PSMA2: variants seen among roughly 807,000 people sequenced by gnomAD.
PSMA2 encodes proteasome subunit alpha type-2.
PSMA2 carries 2 observed loss-of-function variants against 35.9 expected under a neutral mutation model. The observed-to-expected ratio is 0.06, with a 90% confidence interval of 0.02 to 0.18. The LOEUF is 0.18. PSMA2 is among the 10% of genes least tolerant of loss of function. The pLI is 1.00. For synonymous variants in PSMA2, 97 were observed against 98.2 expected (o/e 0.99, Z 0.07); for missense variants, 126 against 278.8 (o/e 0.45, Z 3.90).
In PSMA2 at chr7:42,923,177, C is replaced by A. The variant is rs528121784; in HGVS notation, c.456+148G>T. ...AAATTACCAAAATTTTAAATATACACACAAAAATGCACAACCTCATACTTT... is the reference window on the plus strand; with the variant it reads ...AAATTACCAAAATTTTAAATATACAAACAAAAATGCACAACCTCATACTTT... On this transcript the variant is annotated intron_variant, in intron 5 of 7. Coordinates refer to ENST00000223321, the MANE Select transcript of PSMA2 (RefSeq NM_002787.5). 26 of 620,940 alleles carry A rather than the reference C, an allele frequency of 4.2e-5. No individual in the cohort carries two copies. In the East Asian group the frequency reaches 7.6e-4, roughly 18 times the overall value. The allele number at this position is 620,940 out of a possible 1,614,324, so 38.5% of individuals were successfully genotyped here. A position where few individuals can be genotyped will look rare whatever the true frequency, so the allele number is the denominator to read the frequency against.
chr7:42,918,634 A>C, intron 6 of PSMA2: 1 of 151,856 alleles, frequency 6.6e-6, no homozygotes, highest in East Asian at 1.9e-4. Context: ...TTCTCTGCTC[A>C]GCCCGTGTTA....
At chr7:42,921,994 G>A in intron 5 of PSMA2, 63 bp from the exon 6 acceptor site, 1 of 1,262,062 alleles carries the variant, frequency 7.9e-7, no homozygotes, top group Non-Finnish European at 1.1e-6. Context: ...ATATTGCCCT[G>A]CCATTTAATT....
intron 6 of PSMA2, chr7:42,919,394 CA>C: frequency 1.8e-6 from 1 of 564,492 alleles, no homozygotes; most frequent in East Asian, 4.6e-5. Context: ...ATTTGTTAAC[CA>C]GGGGACAGAA....
Position 42,926,479 on chromosome 7 carries a change from T to C in PSMA2, c.251+57A>G, listed in dbSNP as rs1786218853. On this transcript the variant is annotated intron_variant, in intron 3 of 7. Coordinates refer to ENST00000223321, the MANE Select transcript of PSMA2 (RefSeq NM_002787.5). The stretch of plus-strand genomic sequence containing the variant: ...ACAACCTTGGTTTTTCTCCTGAAAA[T>C]ACAGATTACAATCAATTCATGAGAT... 4.1e-6 allele frequency: 6 copies of C among 1,464,944 alleles called. No homozygotes were observed. The South Asian group carries it at 8.8e-5, about 22-fold the overall frequency. The allele number at this position is 1,464,944 out of a possible 1,614,324, so 90.7% of individuals were successfully genotyped here. A position where few individuals can be genotyped will look rare whatever the true frequency, so the allele number is the denominator to read the frequency against.
At chr7:42,931,661 T>G (rs914188920) in intron 1 of PSMA2, among the ~76,000 whole-genome samples, 3 of 152,056 alleles carry the variant, frequency 2.0e-5, no homozygotes, top group African/African-American at 7.3e-5. Flanking sequence ...AGACCAAGAC[T>G]CCGACTTAAC....
At position 42,921,939 on chromosome 7, in the gene PSMA2, G is replaced by A; in HGVS notation, c.457-8C>T. 6.2e-7 allele frequency: 1 copy of A among 1,602,994 alleles called. No homozygotes were observed. Among genetic ancestry groups the A allele is most frequent in the Non-Finnish European group, 8.5e-7 (1 of 1,172,838 alleles). On this transcript the variant is annotated splice_polypyrimidine_tract_variant and splice_region_variant and intron_variant, in intron 5 of 7. Transcript: ENST00000223321. The stretch of plus-strand genomic sequence containing the variant: ...CCAGGCAAAGTAAGCTCCCTAATCA[G>A]GAAAGAAAGAGTAAAAAACCATATT...
intron 1 of PSMA2, 143 bp downstream of exon 1, chr7:42,931,975 G>A (rs1786321638): frequency 1.8e-6 from 2 of 1,123,736 alleles, no homozygotes; most frequent in African/African-American, 3.1e-5. Flanking sequence ...CCTGGCAAAT[G>A]ACTTTGCAAA....
chr7:42,930,161 C>G (rs1786275167), intron 1 of PSMA2, among the ~76,000 whole-genome samples: 4 of 151,854 alleles, frequency 2.6e-5, no homozygotes, highest in Admixed American at 2.6e-4. Flanking sequence ...AGGCTAGAAA[C>G]AAATATTTTC....
chr7:42,929,483 C>T (rs1786262934), intron 1 of PSMA2, among the ~76,000 whole-genome samples: 1 of 152,150 alleles, frequency 6.6e-6, no homozygotes, highest in Non-Finnish European at 1.5e-5. Flanking sequence ...CATGATTTCA[C>T]TGCGTGAAAG....
At chr7:42,921,813 T>C (rs756914359) in intron 6 of PSMA2, 45 bp downstream of exon 6, 2 of 1,504,136 alleles carry the variant, frequency 1.3e-6, no homozygotes, top group South Asian at 1.2e-5. Flanking sequence ...CCAAAAACCA[T>C]AAAGTGAGTT....
At chr7:42,930,225 GCACACACA>G (rs60660330) in intron 1 of PSMA2, among the ~76,000 whole-genome samples, 35 of 150,184 alleles carry the variant, frequency 2.3e-4, no homozygotes, top group East Asian at 1.4e-3. Flanking sequence ...ACACACACAC[GCACACACA>G]CACACACACA....
chr7:42,925,970 T>C (rs910160785), intron 3 of PSMA2, among the ~76,000 whole-genome samples: 16 of 152,242 alleles, frequency 1.1e-4, no homozygotes, highest in Middle Eastern at 3.2e-3. Context: ...TCTTTCAACT[T>C]GCTGGTACCC....
At chr7:42,930,706 TA>T (rs917352382) in intron 1 of PSMA2, among the ~76,000 whole-genome samples, 77 of 146,652 alleles carry the variant, frequency 5.3e-4, no homozygotes, top group African/African-American at 1.3e-3. Flanking sequence ...CCTCATGCCT[TA>T]AAAAAAAAAA....
At chr7:42,923,724 G>A (rs1263032120) in intron 4 of PSMA2, among the ~76,000 whole-genome samples, 2 of 151,766 alleles carry the variant, frequency 1.3e-5, no homozygotes, top group African/African-American at 2.4e-5. Flanking sequence ...TTTCCACTAG[G>A]TTTACCTATT....
chr7:42,924,610 C>A, intron 4 of PSMA2, 65 bp downstream of exon 4: 3 of 1,515,618 alleles, frequency 2.0e-6, no homozygotes, highest in South Asian at 1.2e-5. Context: ...TATTTATATA[C>A]CTACTCTTTA....
In PSMA2 at chr7:42,919,983, G is replaced by T. The variant is rs1389897014; in HGVS notation, c.530+1875C>A. 6.8e-6 allele frequency: 5 copies of T among 735,248 alleles called. No homozygotes were observed. In the East Asian group the frequency reaches 1.3e-4, roughly 19 times the overall value. 45.5% of individuals were successfully genotyped at this position (735,248 alleles called of 1,614,324 possible). On this transcript the variant is annotated intron_variant, in intron 6 of 7. Coordinates refer to ENST00000223321, the MANE Select transcript of PSMA2 (RefSeq NM_002787.5). Reference sequence around the variant, plus strand: ...TGCTTCCTGAAGAAGATACTGGTGAGCTGGCAAAGCCAAAGATTGGTTTTC... The same window carrying T: ...TGCTTCCTGAAGAAGATACTGGTGATCTGGCAAAGCCAAAGATTGGTTTTC...
In PSMA2 at chr7:42,924,783, C is replaced by T. The variant is rs1191527666; in HGVS notation, c.266G>A (p.Arg89Lys). 4.3e-6 allele frequency: 7 copies of T among 1,611,618 alleles called. No individual in the cohort carries two copies. The South Asian group carries it at 5.5e-5, about 13-fold the overall frequency. The change falls in exon 4 of 8, where the codon AGA becomes AAA. Residue 89 changes from arginine to lysine, a missense_variant. Arg to Lys is a conservative substitution (Grantham distance 26). This residue lies in a region of PSMA2 where 78 missense variants were observed against 151.1 expected (regional missense o/e 0.52). Transcript: ENST00000223321. ...GTATTGTTGAGCTAGTTTTCGAGCTCTGTGCACAAGCACTCTAACAAGGAA... is the reference window on the plus strand; with the variant it reads ...GTATTGTTGAGCTAGTTTTCGAGCTTTGTGCACAAGCACTCTAACAAGGAA... ...MGPDYRVLVHRARKLAQQYYL... is the reference protein window; with the variant it reads ...MGPDYRVLVHKARKLAQQYYL...
At chr7:42,927,636 T>A (rs998454933) in intron 1 of PSMA2, among the ~76,000 whole-genome samples, 177 bp from the exon 2 acceptor site, 1 of 152,190 alleles carries the variant, frequency 6.6e-6, no homozygotes, top group Non-Finnish European at 1.5e-5. Context: ...CTGGGCGCAA[T>A]GACTCAAGTT....
At chr7:42,923,084 C>T (rs144972497) in intron 5 of PSMA2, among the ~76,000 whole-genome samples, 9 of 152,244 alleles carry the variant, frequency 5.9e-5, no homozygotes, top group African/African-American at 1.9e-4. Context: ...ACAAATCACC[C>T]AAGTGTATGA....
Sources: gnomAD v4.1 joint callset for allele counts (sites outside exome capture counted in the v4.1 genomes callset) on GRCh38, gnomAD v4.1.1 for gene constraint, gnomAD v4.1.1 regional missense constraint, MANE v1.5 for transcripts, NCBI Gene and HGNC (gene_info 2026-07-23, HGNC 2026-07-21) for gene names.